CLIC5: variants seen among roughly 807,000 people sequenced by gnomAD.
The protein encoded by CLIC5 is chloride intracellular channel protein 5.
CLIC5 carries 20 observed loss-of-function variants against 24.7 expected under a neutral mutation model. The observed-to-expected ratio is 0.81, with a 90% CI of 0.57 to 1.18. The LOEUF (loss-of-function observed/expected upper bound fraction) is 1.18. Ranked by LOEUF, CLIC5 falls within the 50% of genes most tolerant of loss-of-function variation. The probability of loss-of-function intolerance (pLI) is 0.00; values close to 1 mark genes in which losing one functional copy is unlikely to be tolerated. For missense variants in CLIC5, 341 were observed against 326.1 expected (o/e 1.05, Z -0.35); for synonymous variants, 159 against 135.6 (o/e 1.17, Z -1.20).
At chr6:46,117,238 C>T in the CLIC5 span, among the ~76,000 whole-genome samples, 15 of 152,252 alleles carry the variant, frequency 9.9e-5, no homozygotes, top group Admixed American at 7.8e-4. Context: ...CAGGTTACCC[C>T]TTACTACCTA....
chr6:45,984,568 T>C (rs1178395791), intron 1 of CLIC5, among the ~76,000 whole-genome samples: 7 of 152,200 alleles, frequency 4.6e-5, no homozygotes, highest in Non-Finnish European at 8.8e-5. Flanking sequence ...GTGTGCTTCA[T>C]AAACTTTGAA....
intron 2 of CLIC5, among the ~76,000 whole-genome samples, chr6:45,954,919 A>G (rs1764592642): frequency 6.6e-6 from 1 of 152,180 alleles, no homozygotes; most frequent in African/African-American, 2.4e-5. Flanking sequence ...TGCTAATCGT[A>G]ACTTGCTAAT....
intron 5 of CLIC5, among the ~76,000 whole-genome samples, chr6:45,913,994 C>T (rs929697809): frequency 6.6e-6 from 1 of 152,152 alleles, no homozygotes; most frequent in Admixed American, 6.5e-5. Flanking sequence ...TGTATTTACT[C>T]TTCCACCAAC....
intron 1 of CLIC5, among the ~76,000 whole-genome samples, chr6:45,994,341 G>A (rs1766049649): frequency 6.6e-6 from 1 of 152,166 alleles, no homozygotes; most frequent in Non-Finnish European, 1.5e-5. Context: ...TCTTTTGCAG[G>A]GACATGGATG....
the CLIC5 span, among the ~76,000 whole-genome samples, chr6:46,124,482 A>T: frequency 1.3e-5 from 2 of 152,220 alleles, no homozygotes; most frequent in African/African-American, 4.8e-5. Flanking sequence ...CCTAGATGAA[A>T]ACCTAGGCAA....
the CLIC5 span, among the ~76,000 whole-genome samples, chr6:46,125,579 AAT>A: frequency 2.5e-4 from 38 of 151,666 alleles, no homozygotes; most frequent in East Asian, 6.8e-3. Context: ...GTATAATTAA[AAT>A]ATATATATAT....
At chr6:45,984,872 A>T (rs750534409) in intron 1 of CLIC5, among the ~76,000 whole-genome samples, 2 of 152,210 alleles carry the variant, frequency 1.3e-5, no homozygotes, top group Non-Finnish European at 2.9e-5. Flanking sequence ...AAAGACATTC[A>T]TCGAGCAGCT....
chr6:46,103,730 T>C, the CLIC5 span, among the ~76,000 whole-genome samples: 5 of 152,288 alleles, frequency 3.3e-5, no homozygotes, highest in African/African-American at 4.8e-5. Context: ...TTTTCTCCAA[T>C]TCATCTGAGT....
chr6:45,942,091 C>A (rs1382542488), intron 3 of CLIC5, among the ~76,000 whole-genome samples: 1 of 152,148 alleles, frequency 6.6e-6, no homozygotes, highest in Non-Finnish European at 1.5e-5. Flanking sequence ...CTACACAGAG[C>A]TAATTCTGGG....
At chr6:46,080,500 C>A (rs1762897038), upstream of CLIC5, among the ~76,000 whole-genome samples, 1 of 152,062 alleles carries the variant, frequency 6.6e-6, no homozygotes, top group Non-Finnish European at 1.5e-5. Context: ...TTTATTAGAC[C>A]CTGGGGATTT....
intron 3 of CLIC5, among the ~76,000 whole-genome samples, chr6:45,946,538 C>T (rs991883357): frequency 3.9e-5 from 6 of 152,288 alleles, no homozygotes; most frequent in South Asian, 2.1e-4. Context: ...AACACATGGC[C>T]GACCAGCGCT....
At chr6:45,925,874 A>C (rs1763463295) in intron 4 of CLIC5, among the ~76,000 whole-genome samples, 1 of 152,168 alleles carries the variant, frequency 6.6e-6, no homozygotes, top group South Asian at 2.1e-4. Context: ...CCTCCCACAG[A>C]GTCCCAGCCA....
chr6:46,017,612 G>A (rs762234845), upstream of CLIC5, among the ~76,000 whole-genome samples: 77 of 152,228 alleles, frequency 5.1e-4, no homozygotes, highest in Non-Finnish European at 9.3e-4. Flanking sequence ...TGGTTTTAAC[G>A]GTCTTAACAG....
chr6:45,946,107 G>A (rs951373357), intron 3 of CLIC5, among the ~76,000 whole-genome samples: 1 of 152,216 alleles, frequency 6.6e-6, no homozygotes, highest in African/African-American at 2.4e-5. Context: ...AGGCAAGGAG[G>A]GTCTGAGCGG....
intron 1 of CLIC5, among the ~76,000 whole-genome samples, chr6:45,968,498 TGA>T (rs1168448537): frequency 6.6e-6 from 1 of 152,124 alleles, no homozygotes; most frequent in East Asian, 1.9e-4. Flanking sequence ...ATCTCCTATG[TGA>T]GATCCTGCCA....
intron 1 of CLIC5, among the ~76,000 whole-genome samples, chr6:46,048,824 A>T (rs1257408215): frequency 6.6e-6 from 1 of 152,194 alleles, no homozygotes; most frequent in Non-Finnish European, 1.5e-5. Flanking sequence ...GTGTCATGTC[A>T]GTCAGGCACA....
At chr6:45,954,852 C>T (rs543391994) in intron 2 of CLIC5, among the ~76,000 whole-genome samples, 1 of 152,294 alleles carries the variant, frequency 6.6e-6, no homozygotes, top group East Asian at 1.9e-4. Context: ...ATGTCTGTGC[C>T]CATATGTGCA....
intron 1 of CLIC5, among the ~76,000 whole-genome samples, chr6:46,014,037 G>A (rs1451667359): frequency 6.6e-6 from 1 of 152,154 alleles, no homozygotes; most frequent in Non-Finnish European, 1.5e-5. Flanking sequence ...TCCAGCCTGG[G>A]GTGGGGGTGG....
At chr6:46,114,642 G>A in the CLIC5 span, among the ~76,000 whole-genome samples, 1 of 151,910 alleles carries the variant, frequency 6.6e-6, no homozygotes. Context: ...TTTTTCAAGG[G>A]GTCCTCCTGC....
Sources: allele counts gnomAD v4.1 joint callset (sites outside exome capture counted in the v4.1 genomes callset), GRCh38; gene constraint gnomAD v4.1.1; transcripts MANE v1.5; gene names NCBI Gene and HGNC (gene_info 2026-07-23, HGNC 2026-07-21).